NRG1: variants seen among roughly 807,000 people sequenced by gnomAD.
NRG1 encodes the protein pro-neuregulin-1, membrane-bound isoform.
Under a neutral mutation model 63.8 loss-of-function variants are expected in NRG1, and 18 were observed. The observed-to-expected ratio is 0.28, with a 90% CI of 0.19 to 0.42. The LOEUF is 0.42. NRG1 is among the 10% of genes least tolerant of loss of function. The pLI is 1.00. For missense variants in NRG1, 762 were observed against 814.7 expected (o/e 0.94, Z 0.79); for synonymous variants, 302 against 301.3 (o/e 1.00, Z -0.02).
At chr8:32,558,247 G>A (rs1480755186) in intron 1 of NRG1, among the ~76,000 whole-genome samples, 1 of 152,144 alleles carries the variant, frequency 6.6e-6, no homozygotes, top group Non-Finnish European at 1.5e-5. Flanking sequence ...ATGGCGTGGG[G>A]AAATGTGATT....
At chr8:32,356,480 C>A (rs1034094798) in intron 1 of NRG1, among the ~76,000 whole-genome samples, 10 of 127,616 alleles carry the variant, frequency 7.8e-5, no homozygotes, top group African/African-American at 3.0e-4. Context: ...TGGGACCCCC[C>A]CCCCACCCGC....
At chr8:32,440,170 C>G (rs1819353604) in intron 1 of NRG1, among the ~76,000 whole-genome samples, 1 of 152,040 alleles carries the variant, frequency 6.6e-6, no homozygotes, top group South Asian at 2.1e-4. Flanking sequence ...CTCGAGATAA[C>G]TCACTGTCAT....
At chr8:32,538,466 G>A (rs1832247224) in intron 1 of NRG1, among the ~76,000 whole-genome samples, 1 of 152,092 alleles carries the variant, frequency 6.6e-6, no homozygotes, top group African/African-American at 2.4e-5. Context: ...TTTTAAATAT[G>A]GGGAAATAAA....
At chr8:31,787,567 G>A (rs1263607782) in intron 1 of NRG1, among the ~76,000 whole-genome samples, 1 of 152,086 alleles carries the variant, frequency 6.6e-6, no homozygotes, top group Non-Finnish European at 1.5e-5. Flanking sequence ...AGTACACAAA[G>A]GATCATCCAT....
chr8:31,693,281 T>C (rs746439257), intron 1 of NRG1, among the ~76,000 whole-genome samples: 21 of 152,214 alleles, frequency 1.4e-4, no homozygotes, highest in Non-Finnish European at 2.9e-4. Context: ...CTATAATCTT[T>C]GGACCTTTGA....
chr8:32,487,248 C>T (rs997186810), intron 1 of NRG1, among the ~76,000 whole-genome samples: 1 of 151,586 alleles, frequency 6.6e-6, no homozygotes, highest in South Asian at 2.1e-4. Context: ...TGGGTAAAAA[C>T]GAGTTCTGAC....
intron 1 of NRG1, among the ~76,000 whole-genome samples, chr8:32,415,516 G>C (rs1815764138): frequency 6.7e-6 from 1 of 150,350 alleles, no homozygotes; most frequent in South Asian, 2.1e-4. Context: ...TCCTTGGGTT[G>C]TTCTTATTTC....
chr8:32,231,894 CA>C (rs11292016), intron 1 of NRG1, among the ~76,000 whole-genome samples: 99,110 of 135,818 alleles, frequency 0.73, 35,859 homozygotes, highest in African/African-American at 0.86. Flanking sequence ...GACTCCATCT[CA>C]AAAAAAAAAA....
At chr8:31,686,084 TA>T (rs1808861300) in intron 1 of NRG1, among the ~76,000 whole-genome samples, 2 of 152,174 alleles carry the variant, frequency 1.3e-5, no homozygotes, top group African/African-American at 2.4e-5. Flanking sequence ...AGAAATTGGA[TA>T]TAAAGCACTC....
intron 1 of NRG1, among the ~76,000 whole-genome samples, chr8:31,859,880 A>G (rs1163611985): frequency 6.6e-6 from 1 of 152,192 alleles, no homozygotes; most frequent in East Asian, 1.9e-4. Flanking sequence ...TCCCTTGACC[A>G]TTTCCCATGG....
intron 1 of NRG1, chr8:32,136,542 G>A (rs574618541): frequency 1.3e-5 from 2 of 152,328 alleles, no homozygotes; most frequent in African/African-American, 2.4e-5. Context: ...GAGCTCTGTT[G>A]TTGTGGTGGC....
chr8:32,079,338 A>G (rs934616860), intron 1 of NRG1, among the ~76,000 whole-genome samples: 1 of 152,208 alleles, frequency 6.6e-6, no homozygotes, highest in Non-Finnish European at 1.5e-5. Flanking sequence ...GGAATGAGTT[A>G]AACAATAATT....
intron 1 of NRG1, among the ~76,000 whole-genome samples, chr8:31,978,841 A>G (rs1289556274): frequency 6.6e-6 from 1 of 152,194 alleles, no homozygotes; most frequent in Non-Finnish European, 1.5e-5. Context: ...TGAGAATCAT[A>G]ATTAATCATA....
chr8:32,371,167 G>T (rs1324017508), intron 1 of NRG1, among the ~76,000 whole-genome samples: 1 of 152,016 alleles, frequency 6.6e-6, no homozygotes, highest in African/African-American at 2.4e-5. Context: ...AGCCGAGATT[G>T]TGCCACTGCA....
chr8:31,902,345 G>A (rs1031549925), intron 1 of NRG1, among the ~76,000 whole-genome samples: 1 of 152,146 alleles, frequency 6.6e-6, no homozygotes, highest in Non-Finnish European at 1.5e-5. Context: ...CAGATCCTGG[G>A]ATAAGTTAAT....
chr8:32,749,981 T>G (rs773789137), intron 7 of NRG1: 27 of 191,596 alleles, frequency 1.4e-4, no homozygotes, highest in African/African-American at 2.4e-4. Context: ...TAAATCCATC[T>G]GCTTAAAAAA....
intron 1 of NRG1, among the ~76,000 whole-genome samples, chr8:32,309,290 C>A (rs60028158): frequency 0.018 from 2,801 of 152,218 alleles, 42 homozygotes; most frequent in Middle Eastern, 0.058. Context: ...AACAAAGTAA[C>A]GCTTATGTGC....
chr8:32,215,072 A>G (rs2132422936), intron 1 of NRG1, among the ~76,000 whole-genome samples: 1 of 152,358 alleles, frequency 6.6e-6, no homozygotes, highest in African/African-American at 2.4e-5. Context: ...AACAACAAAT[A>G]ATTTTTAGCA....
chr8:32,614,602 A>G, intron 4 of NRG1, 38 bp downstream of exon 4: 1 of 1,596,908 alleles, frequency 6.3e-7, no homozygotes. Flanking sequence ...ACTAACCAGA[A>G]TGACAACCAT....
Sources: allele counts gnomAD v4.1 joint callset (sites outside exome capture counted in the v4.1 genomes callset), GRCh38; gene constraint gnomAD v4.1.1; transcripts MANE v1.5; gene names NCBI Gene and HGNC (gene_info 2026-07-23, HGNC 2026-07-21).